Variants in BCKDHB observed in about 807,000 individuals in gnomAD.
BCKDHB encodes branched chain keto acid dehydrogenase E1 subunit beta, also known as 2-oxoisovalerate dehydrogenase subunit beta, mitochondrial.
In BCKDHB, 41 loss-of-function variants were observed where a neutral mutation model predicts 48.5. That is an observed-to-expected ratio of 0.85 (90% CI 0.66 to 1.10). The LOEUF (loss-of-function observed/expected upper bound fraction) is 1.10. BCKDHB is among the 50% of genes least tolerant of loss of function. The pLI, the probability that BCKDHB is intolerant of heterozygous loss-of-function variation, is 0.00. For synonymous variants in BCKDHB, 201 were observed against 174.8 expected, an observed-to-expected ratio of 1.15 and a Z score of -1.18; for missense variants, 496 against 494.2, an observed-to-expected ratio of 1.00 and a Z score of -0.03.
At chr6:80,310,426 A>G (rs1282282349) in intron 9 of BCKDHB, among the ~76,000 whole-genome samples, 1 of 152,222 alleles carries the variant, frequency 6.6e-6, no homozygotes, top group Non-Finnish European at 1.5e-5. Context: ...TGCAAAGGAC[A>G]TGATCTTGTT....
intron 9 of BCKDHB, among the ~76,000 whole-genome samples, chr6:80,332,102 G>T (rs1016551716): frequency 2.0e-4 from 31 of 152,180 alleles, no homozygotes; most frequent in Middle Eastern, 3.2e-3. Context: ...TGAGACCTGT[G>T]CAAGGGGATT....
intron 1 of BCKDHB, among the ~76,000 whole-genome samples, chr6:80,126,084 C>G (rs560505267): frequency 2.0e-5 from 3 of 152,100 alleles, no homozygotes; most frequent in African/African-American, 7.2e-5. Flanking sequence ...GATTGTATAT[C>G]TTTTGCCATA....
At chr6:80,255,681 G>A (rs938172069) in intron 8 of BCKDHB, among the ~76,000 whole-genome samples, 1 of 152,142 alleles carries the variant, frequency 6.6e-6, no homozygotes, top group African/African-American at 2.4e-5. Context: ...AGGGATGCAA[G>A]CCATGGATTT....
intron 9 of BCKDHB, among the ~76,000 whole-genome samples, chr6:80,336,169 A>AT (rs897601667): frequency 1.3e-4 from 20 of 151,832 alleles, no homozygotes; most frequent in African/African-American, 4.3e-4. Flanking sequence ...TTAATGTTAA[A>AT]TTTTGATTTT....
At chr6:80,308,817 C>T (rs559744274) in intron 9 of BCKDHB, among the ~76,000 whole-genome samples, 17 of 151,880 alleles carry the variant, frequency 1.1e-4, no homozygotes, top group Middle Eastern at 3.4e-3. Flanking sequence ...CTCCTGATCT[C>T]GTCATCTGCC....
chr6:80,390,814 T>A, the BCKDHB span, among the ~76,000 whole-genome samples: 1 of 152,180 alleles, frequency 6.6e-6, no homozygotes, highest in African/African-American at 2.4e-5. Flanking sequence ...GGATACAAAG[T>A]ATTAATCCTG....
intron 1 of BCKDHB, among the ~76,000 whole-genome samples, chr6:80,120,954 T>C (rs1456699937): frequency 6.6e-6 from 1 of 152,206 alleles, no homozygotes; most frequent in Non-Finnish European, 1.5e-5. Flanking sequence ...ATGTCCTGAA[T>C]GGTATTGCCT....
intron 6 of BCKDHB, among the ~76,000 whole-genome samples, chr6:80,172,841 G>A (rs765699889): frequency 6.6e-5 from 10 of 152,068 alleles, no homozygotes; most frequent in African/African-American, 1.9e-4. Flanking sequence ...TTTAAAAACA[G>A]ATTTTAAATT....
rs769307472 is a variant in BCKDHB at position 80,343,651 on chromosome 6, ACT to A, written c.1039-10_1039-9del. 6.8e-6 allele frequency: 11 copies of A among 1,613,910 alleles called. No individual in the cohort carries two copies. The highest frequency in any genetic ancestry group is 3.3e-5 in the Admixed American group (2 of 60,002). On this transcript the variant is annotated splice_polypyrimidine_tract_variant and intron_variant, in intron 9 of 9. Transcript: ENST00000320393. ...AAAATTCTTGAAGTTAAGCATCCTG[ACT>A]CTGTCTGCAGGAGGAATGTTTCTTG...
At chr6:80,235,637 A>T (rs1776118107) in intron 8 of BCKDHB, among the ~76,000 whole-genome samples, 1 of 152,192 alleles carries the variant, frequency 6.6e-6, no homozygotes, top group Admixed American at 6.5e-5. Context: ...TGCCACATTA[A>T]TTATGTCCAA....
At chr6:80,446,527 G>A in the BCKDHB span, among the ~76,000 whole-genome samples, 8 of 152,272 alleles carry the variant, frequency 5.3e-5, no homozygotes, top group East Asian at 9.7e-4. Context: ...CATGGAGCAC[G>A]AACTCGGTAA....
At chr6:80,140,301 C>G (rs1771126276) in intron 3 of BCKDHB, among the ~76,000 whole-genome samples, 1 of 152,220 alleles carries the variant, frequency 6.6e-6, no homozygotes, top group Non-Finnish European at 1.5e-5. Context: ...TTATTTCCTT[C>G]TCCTGCCTAA....
the BCKDHB span, among the ~76,000 whole-genome samples, chr6:80,401,683 A>G: frequency 4.0e-5 from 6 of 151,874 alleles, no homozygotes; most frequent in African/African-American, 1.2e-4. Context: ...GAGCTACAGA[A>G]TTTATCTTAT....
chr6:80,351,480 T>G, the BCKDHB span, among the ~76,000 whole-genome samples: 1 of 152,062 alleles, frequency 6.6e-6, no homozygotes, highest in Non-Finnish European at 1.5e-5. Flanking sequence ...GTCTGTATTG[T>G]CCCCTTTTTT....
chr6:80,323,329 G>A (rs1393871799), intron 9 of BCKDHB, among the ~76,000 whole-genome samples: 3 of 152,220 alleles, frequency 2.0e-5, no homozygotes, highest in South Asian at 2.1e-4. Flanking sequence ...TGAACACATA[G>A]TACAAATTGA....
chr6:80,234,579 A>G (rs1361685513), intron 8 of BCKDHB, among the ~76,000 whole-genome samples: 1 of 152,182 alleles, frequency 6.6e-6, no homozygotes, highest in African/African-American at 2.4e-5. Flanking sequence ...ATGCTCATAC[A>G]TTGTTGATGG....
intron 9 of BCKDHB, among the ~76,000 whole-genome samples, chr6:80,337,459 C>T (rs73465590): frequency 0.075 from 11,470 of 151,990 alleles, 614 homozygotes; most frequent in South Asian, 0.24. Flanking sequence ...TAATTAAGGA[C>T]TAAATGGTGT....
At chr6:80,203,361 T>A (rs754653002) in intron 8 of BCKDHB, 149 bp downstream of exon 8, 10 of 660,272 alleles carry the variant, frequency 1.5e-5, no homozygotes, top group Middle Eastern at 3.6e-4. Context: ...GAAAGAAAGT[T>A]GTATAAACAG....
chr6:80,442,322 A>G, the BCKDHB span, among the ~76,000 whole-genome samples: 1 of 152,218 alleles, frequency 6.6e-6, no homozygotes, highest in Non-Finnish European at 1.5e-5. Flanking sequence ...TCACATGTAG[A>G]CCATATAATA....
Sources: allele counts gnomAD v4.1 joint callset (sites outside exome capture counted in the v4.1 genomes callset), GRCh38; gene constraint gnomAD v4.1.1; transcripts MANE v1.5; gene names NCBI Gene and HGNC (gene_info 2026-07-23, HGNC 2026-07-21).